SAMD3: variants seen among roughly 807,000 people sequenced by gnomAD.
SAMD3 encodes the protein sterile alpha motif domain containing 3.
SAMD3 carries 63 observed loss-of-function variants against 58.5 expected under a neutral mutation model. The observed-to-expected ratio is 1.08, with a 90% CI of 0.88 to 1.33. The LOEUF is 1.33. Ranked by LOEUF, SAMD3 falls within the 40% of genes most tolerant of loss-of-function variation. The pLI is 0.00. For synonymous variants in SAMD3, 220 were observed against 210.3 expected, an observed-to-expected ratio of 1.05 and a Z score of -0.40; for missense variants, 604 against 608.4, an observed-to-expected ratio of 0.99 and a Z score of 0.08.
chr6:130,305,503 A>G (rs982139454), intron 2 of SAMD3, among the ~76,000 whole-genome samples: 18 of 152,172 alleles, frequency 1.2e-4, no homozygotes, highest in African/African-American at 4.1e-4. Context: ...TTCTAAAGAG[A>G]ATGTTTATAT....
rs576842441 is a variant in SAMD3, at chr6:130,265,035, C to G, written c.-187-42222G>C. ...AGATAAGCTAACTCTTAGGCAAAACCTAAACATAAAGTACCCCCATGCTGT... is the reference window on the plus strand; with the variant it reads ...AGATAAGCTAACTCTTAGGCAAAACGTAAACATAAAGTACCCCCATGCTGT... On this transcript the variant is annotated intron_variant, in intron 2 of 13. Transcript: ENST00000368134. 1.6e-4 allele frequency among the ~76,000 whole-genome samples: 24 copies of G among 152,318 alleles called. No homozygotes were observed. The South Asian group carries it at 4.3e-3, about 28-fold the overall frequency.
rs1352999469 is a variant in SAMD3, at chr6:130,214,474, C to T, written c.132G>A (p.Gln44=). 2.5e-6 allele frequency: 4 copies of T among 1,612,102 alleles called. No homozygotes were observed. Among genetic ancestry groups the T allele is most frequent in the East Asian group, 2.2e-5 (1 of 44,776 alleles). ...GGTGCCCAATTTTCTTTACCAGTTG[C>T]TGAACCATCCGATCATTAAGTGCAA... The part of the protein sequence containing the change: ...ALLALNDRMV[Q]QLVKKIGHQA... Residue 44 remains glutamine (Q), a synonymous_variant, in exon 4 of 12, where the codon CAG becomes CAA. Coordinates refer to ENST00000439090, the MANE Select transcript of SAMD3 (RefSeq NM_001017373.4).
intron 8 of SAMD3, among the ~76,000 whole-genome samples, chr6:130,171,871 G>C (rs1791282341): frequency 6.6e-6 from 1 of 152,174 alleles, no homozygotes; most frequent in African/African-American, 2.4e-5. Context: ...CCAAGAACTG[G>C]TTTTATGAAT....
intron 1 of SAMD3, among the ~76,000 whole-genome samples, chr6:130,334,702 C>T (rs7759745): frequency 0.45 from 67,947 of 152,022 alleles, 17,552 homozygotes; most frequent in African/African-American, 0.72. Flanking sequence ...CCCAGAGACT[C>T]GTATTTGGAA....
chr6:130,204,966 C>T (rs952688830), intron 5 of SAMD3, among the ~76,000 whole-genome samples: 5 of 151,888 alleles, frequency 3.3e-5, no homozygotes, highest in African/African-American at 1.2e-4. Context: ...GTTCAGAGAC[C>T]ACTTGTTGGG....
intron 1 of SAMD3, among the ~76,000 whole-genome samples, chr6:130,323,889 C>A (rs536334621): frequency 1.0e-3 from 152 of 150,274 alleles, no homozygotes; most frequent in African/African-American, 3.7e-3. Flanking sequence ...GGTTCCCTTT[C>A]ATTAGTGTCT....
intron 2 of SAMD3, among the ~76,000 whole-genome samples, chr6:130,257,554 T>C (rs144876880): frequency 6.6e-6 from 1 of 152,300 alleles, no homozygotes; most frequent in Non-Finnish European, 1.5e-5. Context: ...CCTCAATTAC[T>C]ATTCTGAATA....
At chr6:130,284,508 A>C (rs962273384) in intron 2 of SAMD3, among the ~76,000 whole-genome samples, 4 of 152,144 alleles carry the variant, frequency 2.6e-5, no homozygotes, top group African/African-American at 9.7e-5. Flanking sequence ...GAAAGAGAAG[A>C]TAGATATAAA....
At chr6:130,319,743 A>G (rs1348881187) in intron 1 of SAMD3, among the ~76,000 whole-genome samples, 1 of 152,230 alleles carries the variant, frequency 6.6e-6, no homozygotes, top group African/African-American at 2.4e-5. Context: ...TTCTTATTAA[A>G]TATCTTTAAA....
intron 4 of SAMD3, among the ~76,000 whole-genome samples, chr6:130,210,927 T>C (rs1443609368): frequency 6.6e-6 from 1 of 151,994 alleles, no homozygotes; most frequent in Admixed American, 6.6e-5. Flanking sequence ...AAGACCATCC[T>C]GGCTAATATG....
chr6:130,175,481 T>C (rs112620527), intron 8 of SAMD3, among the ~76,000 whole-genome samples: 2 of 152,086 alleles, frequency 1.3e-5, no homozygotes, highest in African/African-American at 4.8e-5. Context: ...ACTCAGACAA[T>C]GTGAGTATTA....
At chr6:130,236,804 A>G (rs961741371) in intron 2 of SAMD3, among the ~76,000 whole-genome samples, 7 of 152,202 alleles carry the variant, frequency 4.6e-5, no homozygotes, top group African/African-American at 1.7e-4. Context: ...CAGTAATTTT[A>G]GCCTGTTAAA....
chr6:130,296,767 T>C (rs1020891945), intron 2 of SAMD3, among the ~76,000 whole-genome samples: 15 of 152,062 alleles, frequency 9.9e-5, no homozygotes, highest in Non-Finnish European at 1.0e-4. Context: ...TGAGCCCATA[T>C]TGGGGTAGCT....
chr6:130,265,550 G>A (rs925889396), intron 2 of SAMD3, among the ~76,000 whole-genome samples: 3 of 152,038 alleles, frequency 2.0e-5, no homozygotes, highest in Admixed American at 1.3e-4. Flanking sequence ...AAGTTGCTAC[G>A]GTCCTATTAT....
chr6:130,338,678 G>A (rs529254309), intron 1 of SAMD3, among the ~76,000 whole-genome samples: 29 of 152,310 alleles, frequency 1.9e-4, no homozygotes, highest in African/African-American at 7.0e-4. Flanking sequence ...GATTATTTTA[G>A]AGCTTTAAGA....
intron 1 of SAMD3, among the ~76,000 whole-genome samples, chr6:130,358,823 T>C (rs914431398): frequency 2.6e-5 from 4 of 152,234 alleles, no homozygotes; most frequent in South Asian, 2.1e-4. Context: ...ACTAACAATG[T>C]CTCCTTAACC....
intron 1 of SAMD3, among the ~76,000 whole-genome samples, chr6:130,336,818 C>A (rs1242288040): frequency 2.6e-5 from 4 of 152,292 alleles, no homozygotes. Flanking sequence ...GTGGAATTTG[C>A]ACCTTGCTAC....
At chr6:130,171,839 G>A (rs962051687) in intron 8 of SAMD3, among the ~76,000 whole-genome samples, 3 of 152,190 alleles carry the variant, frequency 2.0e-5, no homozygotes, top group Admixed American at 1.3e-4. Context: ...TTGTGTGGGA[G>A]TCTAAGTCTC....
chr6:130,249,721 A>G (rs890671402), intron 2 of SAMD3, among the ~76,000 whole-genome samples: 2 of 152,192 alleles, frequency 1.3e-5, no homozygotes, highest in African/African-American at 4.8e-5. Context: ...GCTATGGGAC[A>G]CAAAGAATGG....
Sources: gnomAD v4.1 joint callset for allele counts (sites outside exome capture counted in the v4.1 genomes callset) on GRCh38, gnomAD v4.1.1 for gene constraint, MANE v1.5 for transcripts, NCBI Gene and HGNC (gene_info 2026-07-23, HGNC 2026-07-21) for gene names.